Variants in ZGRF1 observed in about 807,000 individuals in gnomAD.
The protein encoded by ZGRF1 is 5'-3' DNA helicase ZGRF1.
ZGRF1 carries 196 observed loss-of-function variants against 203.5 expected under a neutral mutation model. The observed-to-expected ratio is 0.96, with a 90% CI of 0.86 to 1.08. ZGRF1 has a LOEUF of 1.08. ZGRF1 is among the 50% of genes least tolerant of loss of function. ZGRF1 has a pLI of 0.00. For synonymous variants in ZGRF1, 809 were observed against 841.3 expected, an observed-to-expected ratio of 0.96 and a Z score of 0.66; for missense variants, 2,326 against 2,416.3, an observed-to-expected ratio of 0.96 and a Z score of 0.78.
At chr4:112,543,721 G>A (rs1424960032) in intron 24 of ZGRF1, among the ~76,000 whole-genome samples, 1 of 152,208 alleles carries the variant, frequency 6.6e-6, no homozygotes, top group Non-Finnish European at 1.5e-5. Context: ...TTGAAGGGGA[G>A]AGAACGAATG....
At chr4:112,589,473 A>C (rs557254019) in intron 11 of ZGRF1, among the ~76,000 whole-genome samples, 1 of 152,306 alleles carries the variant, frequency 6.6e-6, no homozygotes, top group South Asian at 2.1e-4. Context: ...ATGGTAGAAG[A>C]TACTTTCAGG....
At chr4:112,584,757 T>C (rs1283382745) in intron 14 of ZGRF1, among the ~76,000 whole-genome samples, 5 of 152,182 alleles carry the variant, frequency 3.3e-5, no homozygotes, top group Non-Finnish European at 1.5e-5. Flanking sequence ...TAAATCCAAA[T>C]TTACACACTT....
intron 16 of ZGRF1, among the ~76,000 whole-genome samples, chr4:112,573,198 A>ACACACACC (rs1553987608): frequency 2.7e-5 from 4 of 150,344 alleles, no homozygotes; most frequent in African/African-American, 7.5e-5. Context: ...ACACACACAC[A>ACACACACC]CACCCATGGA....
intron 16 of ZGRF1, among the ~76,000 whole-genome samples, chr4:112,567,230 T>C (rs1743279345): frequency 6.6e-6 from 1 of 152,094 alleles, no homozygotes; most frequent in Non-Finnish European, 1.5e-5. Context: ...CTGAGCTCCT[T>C]GGAGCTGACC....
Position 112,540,012 on chromosome 4 carries a change from C to G in ZGRF1, c.6023G>C (p.Cys2008Ser), listed in dbSNP as rs1280510439. 6.2e-7 allele frequency: 1 copy of G among 1,613,102 alleles called. No homozygotes were observed. Among genetic ancestry groups the G allele is most frequent in the African/African-American group, 1.3e-5 (1 of 74,908 alleles). Residue 2008 changes from cysteine to serine, a missense_variant, in exon 27 of 28, where the codon TGT becomes TCT. Transcript: ENST00000505019. Reference sequence around the variant, plus strand: ...GAATCCTACTTGTCTTGTCCTTACACAGGACAGAATAATGATCTCCTTTTC... The same window carrying G: ...GAATCCTACTTGTCTTGTCCTTACAGAGGACAGAATAATGATCTCCTTTTC... The part of the protein sequence containing the change: ...GAEKEIIILS[C>S]VRTRQVGFID...
intron 16 of ZGRF1, among the ~76,000 whole-genome samples, chr4:112,567,062 T>C (rs1377201565): frequency 1.3e-5 from 2 of 152,194 alleles, no homozygotes; most frequent in African/African-American, 4.8e-5. Context: ...CTCCTAGGGC[T>C]AAAGAATTCT....
intron 24 of ZGRF1, among the ~76,000 whole-genome samples, 171 bp downstream of exon 24, chr4:112,547,114 T>G (rs1472877109): frequency 6.6e-6 from 1 of 152,158 alleles, no homozygotes; most frequent in Non-Finnish European, 1.5e-5. Flanking sequence ...GGCACTTAAA[T>G]TATAGGGTTC....
At chr4:112,556,753 G>A (rs928134389) in intron 20 of ZGRF1, among the ~76,000 whole-genome samples, 1 of 152,118 alleles carries the variant, frequency 6.6e-6, no homozygotes, top group African/African-American at 2.4e-5. Context: ...AACAAAATGT[G>A]TGCATGTATA....
Position 112,620,051 on chromosome 4 carries a change from G to A in ZGRF1, c.302C>T (p.Ser101Phe), listed in dbSNP as rs1463494045. The A allele has an allele frequency of 6.2e-7, 1 of 1,611,228 alleles. No homozygotes were observed. Among genetic ancestry groups the A allele is most frequent in the South Asian group, 1.1e-5 (1 of 90,410 alleles). The part of the protein sequence containing the change: ...PELNSRTFIS[S>F]GRSLGCQPSG... ...GGGCTGACATCCAAGAGATCGGCCA[G>A]AGGATATAAATGTCCTTGAATTTAA... Residue 101 changes from serine (S) to phenylalanine (F), a missense_variant, in exon 5 of 28, where the codon TCT (serine) becomes TTT (phenylalanine). Coordinates refer to ENST00000505019, the MANE Select transcript of ZGRF1 (RefSeq NM_018392.5).
intron 3 of ZGRF1, among the ~76,000 whole-genome samples, chr4:112,631,538 G>A (rs962178306): frequency 2.0e-5 from 3 of 152,004 alleles, no homozygotes; most frequent in Non-Finnish European, 4.4e-5. Flanking sequence ...CAGGCATGGT[G>A]TCGGGTGCCT....
chr4:112,598,943 C>A (rs1749489914), intron 10 of ZGRF1, among the ~76,000 whole-genome samples: 1 of 151,910 alleles, frequency 6.6e-6, no homozygotes, highest in South Asian at 2.1e-4. Context: ...CCCAGCTACT[C>A]AGGAGGCTAA....
chr4:112,568,421 A>G lies in ZGRF1; in HGVS notation c.4439-5147T>C, dbSNP rs1180697653. Among the ~76,000 whole-genome samples the G allele has an allele frequency of 2.0e-5, 3 of 152,150 alleles. No individual in the cohort carries two copies. The East Asian group carries it at 5.8e-4, about 29-fold the overall frequency. The stretch of plus-strand genomic sequence containing the variant: ...CATAACACATAAAGAAATAAGACTC[A>G]GAGTGCCGGCCAGGTGTGGTGGCTC... On this transcript the variant is annotated intron_variant, in intron 16 of 27. Transcript: ENST00000505019.
Position 112,585,730 on chromosome 4 carries a change from A to C in ZGRF1, c.3917-5T>G, listed in dbSNP as rs1400064398. 3.1e-6 allele frequency: 1 copy of C among 320,406 alleles called. No individual in the cohort carries two copies. Among genetic ancestry groups the C allele is most frequent in the Admixed American group, 5.2e-5 (1 of 19,234 alleles). The allele number at this position is 320,406 out of a possible 1,614,324, so 19.8% of individuals were successfully genotyped here. On this transcript the variant is annotated splice_polypyrimidine_tract_variant and splice_region_variant and intron_variant, in intron 13 of 27. Transcript: ENST00000505019. ...ACAGCAATATATTTAGATGTTCTACAAAAAAAAAAAAAAGAGAGCAGAAAA... is the reference window on the plus strand; with the variant it reads ...ACAGCAATATATTTAGATGTTCTACCAAAAAAAAAAAAAGAGAGCAGAAAA...
At chr4:112,612,640 T>C (rs9993534) in intron 6 of ZGRF1, 52 bp from the exon 7 acceptor site, 164,669 of 1,137,624 alleles carry the variant, frequency 0.14, 14,770 homozygotes, top group East Asian at 0.4. Context: ...AGCAGTACTC[T>C]AAAATTTAAC....
chr4:112,602,682 G>A (rs142822651), intron 10 of ZGRF1, among the ~76,000 whole-genome samples: 2 of 152,128 alleles, frequency 1.3e-5, no homozygotes, highest in African/African-American at 4.8e-5. Flanking sequence ...ATATATTTAT[G>A]CAACAGAATA....
rs749132725 is a variant in ZGRF1 at position 112,618,150 on chromosome 4, G to A, written c.1892C>T (p.Thr631Ile). 1.9e-6 allele frequency: 3 copies of A among 1,613,564 alleles called. No individual in the cohort carries two copies. Among genetic ancestry groups the A allele is most frequent in the Non-Finnish European group, 2.5e-6 (3 of 1,179,790 alleles). The stretch of plus-strand genomic sequence containing the variant: ...ACTATACTCCTCTATTTCTTTTCCT[G>A]TGTTTTCAGTTTTACATATTCCCAT... Reference protein sequence around the residue: ...FDMGICKTENTGKEIEEYSDT... With the variant: ...FDMGICKTENIGKEIEEYSDT... The change falls in exon 6 of 28, where the codon ACA becomes ATA. Residue 631 changes from threonine to isoleucine, a missense_variant. By Grantham distance (89) the Thr-to-Ile change is moderately conservative. Transcript: ENST00000505019.
At chr4:112,593,351 T>C (rs770834686) in intron 10 of ZGRF1, among the ~76,000 whole-genome samples, 7 of 152,194 alleles carry the variant, frequency 4.6e-5, no homozygotes, top group Non-Finnish European at 1.0e-4. Context: ...TTCAATTCAC[T>C]ATCATCAAAG....
intron 1 of ZGRF1, among the ~76,000 whole-genome samples, chr4:112,635,054 C>G (rs575315608): frequency 6.7e-6 from 1 of 148,650 alleles, no homozygotes; most frequent in South Asian, 2.2e-4. Context: ...TGCTTGAACC[C>G]GGGAGGCGGA....
In ZGRF1 at chr4:112,618,164, A is replaced by G. The variant is rs372007048; in HGVS notation, c.1878T>C (p.Cys626=). 4 of 1,613,546 alleles carry G rather than the reference A, an allele frequency of 2.5e-6. No individual in the cohort carries two copies. The African/African-American group carries it at 5.3e-5, about 22-fold the overall frequency. Residue 626 remains cysteine (C), a synonymous_variant, in exon 6 of 28, where the codon TGT becomes TGC. Coordinates refer to ENST00000505019, the MANE Select transcript of ZGRF1 (RefSeq NM_018392.5). ...TTTCTTTTCCTGTGTTTTCAGTTTT[A>G]CATATTCCCATGTCAAAACCCACAT... ...KTYVGFDMGI[C]KTENTGKEIE... is the part of the protein sequence containing the mutation.
Sources: allele counts gnomAD v4.1 joint callset (sites outside exome capture counted in the v4.1 genomes callset), GRCh38; gene constraint gnomAD v4.1.1; transcripts MANE v1.5; gene names NCBI Gene and HGNC (gene_info 2026-07-23, HGNC 2026-07-21).